Variants in ZNF25 observed in about 807,000 individuals in gnomAD.
The protein encoded by ZNF25 is zinc finger protein 25.
A neutral mutation model predicts 30.9 loss-of-function variants in ZNF25; 21 were observed. That is an observed-to-expected ratio of 0.68 (90% confidence interval 0.48 to 0.98). The LOEUF (loss-of-function observed/expected upper bound fraction) is 0.98. Among genes scored for constraint, ZNF25 ranks in the 50% least tolerant of loss-of-function variants. The probability of loss-of-function intolerance (pLI) is 0.00; values close to 1 mark genes in which losing one functional copy is unlikely to be tolerated. For missense variants in ZNF25, 501 were observed against 529.9 expected (o/e 0.95, Z 0.54); for synonymous variants, 169 against 181.3 (o/e 0.93, Z 0.55).
At chr10:37,972,867 C>T (rs1057181465) in intron 1 of ZNF25, among the ~76,000 whole-genome samples, 3 of 152,074 alleles carry the variant, frequency 2.0e-5, no homozygotes, top group Non-Finnish European at 2.9e-5. Context: ...ACAAAATCAA[C>T]ATTAGAAAAC....
Position 37,952,707 on chromosome 10 carries a change from C to G in ZNF25, c.791G>C (p.Gly264Ala). 3 of 1,612,766 alleles carry G rather than the reference C, an allele frequency of 1.9e-6. No individual in the cohort carries two copies. Among genetic ancestry groups the G allele is most frequent in the Non-Finnish European group, 8.5e-7 (1 of 1,179,620 alleles). ...GTGTGACTTCTGGGAAAAGGCTTTC[C>G]CACACTCCTTACACTCATAGGGTTT... ...GEKPYECKEC[G>A]KAFSQKSHLT... Residue 264 changes from glycine (G) to alanine (A), a missense_variant, in exon 6 of 6, where the codon GGG becomes GCG. Transcript: ENST00000302609.
rs1356819850 is a variant in ZNF25, at chr10:37,950,604, A to G, written c.*1523T>C. ...TTGCAGCGTAATTCACAAAATACAA[A>G]TAATGATGATAACCTCTAACATATA... On this transcript the variant is annotated 3_prime_UTR_variant, in exon 6 of 6. Coordinates refer to ENST00000302609, the MANE Select transcript of ZNF25 (RefSeq NM_145011.4). 1.3e-5 allele frequency: 2 copies of G among 152,368 alleles called. No individual in the cohort carries two copies. The highest frequency in any genetic ancestry group is 2.9e-5 in the Non-Finnish European group (2 of 68,034). The allele number at this position is 152,368 out of a possible 1,614,324, so 9.4% of individuals were successfully genotyped here. A position where few individuals can be genotyped will look rare whatever the true frequency, so the allele number is the denominator to read the frequency against.
chr10:37,966,985 G>C (rs1411171380), intron 2 of ZNF25, among the ~76,000 whole-genome samples: 1 of 152,090 alleles, frequency 6.6e-6, no homozygotes, highest in East Asian at 1.9e-4. Flanking sequence ...TGAAAAGAAA[G>C]GATGGAAAAA....
chr10:37,973,183 AT>A lies in ZNF25; in HGVS notation c.-85-1377del, dbSNP rs1159066008. On this transcript the variant is annotated intron_variant, in intron 1 of 5. Transcript: ENST00000302609. ...AACTCTATCTCAAAAAAAAAAAAAA[AT>A]CAGTAGCATTTCCATACACCAACAG... Among the ~76,000 whole-genome samples the A allele has an allele frequency of 8.0e-4, 122 of 152,106 alleles. 1 individual carries two copies. Among genetic ancestry groups the A allele is most frequent in the Middle Eastern group, 3.4e-3 (1 of 294 alleles).
intron 2 of ZNF25, among the ~76,000 whole-genome samples, chr10:37,962,072 T>C (rs2474553): frequency 0.22 from 33,352 of 151,240 alleles, 3,842 homozygotes; most frequent in East Asian, 0.4. Flanking sequence ...CCATCTCTAC[T>C]AAAAATACAA....
At chr10:37,971,251 G>C (rs749602816) in intron 2 of ZNF25, among the ~76,000 whole-genome samples, 72 of 151,302 alleles carry the variant, frequency 4.8e-4, no homozygotes, top group Admixed American at 1.8e-3. Context: ...GGGAGACAGA[G>C]GCTGCAGTGA....
chr10:37,952,779 T>G lies in ZNF25; in HGVS notation c.719A>C (p.Tyr240Ser). Reference protein sequence around the residue: ...FECTECGKFFYVKAYLMVHQK... With the variant: ...FECTECGKFFSVKAYLMVHQK... ...ATGTACCATGAGGTATGCCTTCACA[T>G]AGAAGAACTTCCCACATTCAGTACA... is the stretch of plus-strand genomic sequence containing the variant. Residue 240 changes from tyrosine (Y) to serine (S), a missense_variant, in exon 6 of 6, where the codon TAT becomes TCT. Coordinates refer to ENST00000302609, the MANE Select transcript of ZNF25 (RefSeq NM_145011.4). 6.2e-7 allele frequency: 1 copy of G among 1,613,370 alleles called. No homozygotes were observed. Among genetic ancestry groups the G allele is most frequent in the Non-Finnish European group, 8.5e-7 (1 of 1,179,788 alleles).
Position 37,951,975 on chromosome 10 carries a change from AATCT to A in ZNF25, c.*148_*151del. On this transcript the variant is annotated 3_prime_UTR_variant, in exon 6 of 6. Coordinates refer to ENST00000302609, the MANE Select transcript of ZNF25 (RefSeq NM_145011.4). Reference sequence around the variant, plus strand: ...AATTTTCTCCCAAATAAATGTACAGAATCTCTCTATGTATTTGCTGATACACAGA... The same window carrying A: ...AATTTTCTCCCAAATAAATGTACAGACTCTATGTATTTGCTGATACACAGA... 1 of 585,466 alleles carries A rather than the reference AATCT, an allele frequency of 1.7e-6. No homozygotes were observed. The highest frequency in any genetic ancestry group is 2.8e-6 in the Non-Finnish European group (1 of 361,924). The allele number at this position is 585,466 out of a possible 1,614,324, so 36.3% of individuals were successfully genotyped here. A position where few individuals can be genotyped will look rare whatever the true frequency, so the allele number is the denominator to read the frequency against.
In ZNF25 at chr10:37,955,970, G is replaced by A. The variant is rs189194496; in HGVS notation, c.238+1050C>T. 4.5e-3 allele frequency among the ~76,000 whole-genome samples: 687 copies of A among 152,128 alleles called. 32 individuals carry two copies. The highest frequency in any genetic ancestry group is 0.041 in the Admixed American group (633 of 15,262). ...AGTGCTGGGATTACAGGCATGAGCCGCCACTCCCAGCCAGTCTCTTGTTAA... is the reference window on the plus strand; with the variant it reads ...AGTGCTGGGATTACAGGCATGAGCCACCACTCCCAGCCAGTCTCTTGTTAA... On this transcript the variant is annotated intron_variant, in intron 4 of 5. Transcript: ENST00000302609.
chr10:37,968,855 T>G (rs1027016695), intron 2 of ZNF25, among the ~76,000 whole-genome samples: 1 of 152,204 alleles, frequency 6.6e-6, no homozygotes, highest in African/African-American at 2.4e-5. Context: ...GAGGGCCAAT[T>G]TTTTGCACAC....
chr10:37,954,710 A>T (rs2062405673), intron 4 of ZNF25, among the ~76,000 whole-genome samples: 1 of 152,216 alleles, frequency 6.6e-6, no homozygotes, highest in Non-Finnish European at 1.5e-5. Context: ...AGTGACCTTC[A>T]TATTTATGCA....
chr10:37,961,922 CAAAAAA>C (rs71533129), intron 2 of ZNF25, among the ~76,000 whole-genome samples: 2 of 39,082 alleles, frequency 5.1e-5, no homozygotes, highest in Admixed American at 3.2e-4. Flanking sequence ...AACTCCATCT[CAAAAAA>C]AAAAAAAAAA....
At chr10:37,960,634 A>AC (rs1418944111) in intron 2 of ZNF25, among the ~76,000 whole-genome samples, 2 of 148,250 alleles carry the variant, frequency 1.3e-5, no homozygotes, top group African/African-American at 2.4e-5. Context: ...AAAAAAAAAA[A>AC]AAAAAAAAAA....
At chr10:37,974,424 C>T (rs1449135474) in intron 1 of ZNF25, among the ~76,000 whole-genome samples, 5 of 151,898 alleles carry the variant, frequency 3.3e-5, no homozygotes, top group African/African-American at 1.2e-4. Context: ...AGTCAGAAAA[C>T]AAAAAATTTG....
In ZNF25 at chr10:37,952,698, A is replaced by T. The variant is rs2062233926; in HGVS notation, c.800T>A (p.Phe267Tyr). 1 of 1,613,500 alleles carries T rather than the reference A, an allele frequency of 6.2e-7. No homozygotes were observed. The highest frequency in any genetic ancestry group is 8.5e-7 in the Non-Finnish European group (1 of 1,179,886). ...PYECKECGKA[F>Y]SQKSHLTVHQ... ...TACTGTGAGGTGTGACTTCTGGGAA[A>T]AGGCTTTCCCACACTCCTTACACTC... The change falls in exon 6 of 6, where the codon TTT becomes TAT. Residue 267 changes from phenylalanine (F) to tyrosine (Y), a missense_variant. Coordinates refer to ENST00000302609, the MANE Select transcript of ZNF25 (RefSeq NM_145011.4).
Position 37,952,375 on chromosome 10 carries a change from A to G in ZNF25, c.1123T>C (p.Cys375Arg). The change falls in exon 6 of 6, where the codon TGT becomes CGT. Residue 375 changes from cysteine (C) to arginine (R), a missense_variant. Coordinates refer to ENST00000302609, the MANE Select transcript of ZNF25 (RefSeq NM_145011.4). ...TGEKPYECTECGKSFAVNSVL... is the reference protein window; with the variant it reads ...TGEKPYECTERGKSFAVNSVL... ...GAATTCACAGCAAAAGATTTGCCAC[A>G]TTCTGTGCATTCATAGGGCTTCTCC... 1 of 1,614,076 alleles carries G rather than the reference A, an allele frequency of 6.2e-7. No homozygotes were observed. The highest frequency in any genetic ancestry group is 2.2e-5 in the East Asian group (1 of 44,878).
chr10:37,956,394 T>C (rs888974589), intron 4 of ZNF25, among the ~76,000 whole-genome samples: 1 of 152,146 alleles, frequency 6.6e-6, no homozygotes, highest in African/African-American at 2.4e-5. Flanking sequence ...AGTTGCATAC[T>C]CTAATGGCAG....
In ZNF25 at chr10:37,953,545, C is replaced by T. The variant is rs1022641323; in HGVS notation, c.302+150G>A. The stretch of plus-strand genomic sequence containing the variant: ...TGCACAAGGTCTCTATGAAAAGGGG[C>T]AGTCCCATTTGGATTATATTCCTTG... On this transcript the variant is annotated intron_variant, in intron 5 of 5. Coordinates refer to ENST00000302609, the MANE Select transcript of ZNF25 (RefSeq NM_145011.4). 13 of 714,448 alleles carry T rather than the reference C, an allele frequency of 1.8e-5. No individual in the cohort carries two copies. The African/African-American group carries it at 2.1e-4, about 12-fold the overall frequency. The allele number at this position is 714,448 out of a possible 1,614,324, so 44.3% of individuals were successfully genotyped here. A position where few individuals can be genotyped will look rare whatever the true frequency, so the allele number is the denominator to read the frequency against.
At chr10:37,960,909 T>C (rs1171846586) in intron 2 of ZNF25, among the ~76,000 whole-genome samples, 1 of 152,138 alleles carries the variant, frequency 6.6e-6, no homozygotes, top group Non-Finnish European at 1.5e-5. Context: ...GTTGGAAATA[T>C]CTAGAATTCC....
Sources: gnomAD v4.1 joint callset for allele counts (sites outside exome capture counted in the v4.1 genomes callset) on GRCh38, gnomAD v4.1.1 for gene constraint, MANE v1.5 for transcripts, NCBI Gene and HGNC (gene_info 2026-07-23, HGNC 2026-07-21) for gene names.